The following CISH variants were observed in gnomAD, a reference collection of about 807,000 sequenced individuals.
CISH encodes the protein cytokine-inducible SH2-containing protein.
A neutral mutation model predicts 21.3 loss-of-function variants in CISH; 11 were observed. The observed-to-expected ratio is 0.52, with a 90% CI of 0.32 to 0.85. The LOEUF is 0.85. CISH is among the 40% of genes least tolerant of loss of function. CISH has a pLI of 0.03. For synonymous variants in CISH, 118 were observed against 142.3 expected (o/e 0.83, Z 1.22); for missense variants, 280 against 351.7 (o/e 0.80, Z 1.63).
rs532551963 is a variant in CISH, at chr3:50,611,595, G to C, written c.20+36C>G. The C allele has an allele frequency of 1.2e-5, 18 of 1,522,914 alleles. No homozygotes were observed. In the South Asian group the frequency reaches 1.2e-4, roughly 10 times the overall value. 94.3% of individuals were successfully genotyped at this position (1,522,914 alleles called of 1,614,324 possible). A position where few individuals can be genotyped will look rare whatever the true frequency, so the allele number is the denominator to read the frequency against. On this transcript the variant is annotated intron_variant, in intron 1 of 2. Transcript: ENST00000348721. The stretch of plus-strand genomic sequence containing the variant: ...GCCCCTGTTCTCCCGTGCGCCCCTC[G>C]TGGTGGCCGGGAAGGGGGCAGAGAG...
At position 50,607,585 on chromosome 3, in the gene CISH, G is replaced by C. The variant is rs532905241; in HGVS notation, c.*22C>G. ...CCCTCCAGGGTGCGACTGGGTGAGG[G>C]TGGGCAGATTGCCCCGTACAGTCAG... is the stretch of plus-strand genomic sequence containing the variant. On this transcript the variant is annotated 3_prime_UTR_variant, in exon 3 of 3. Coordinates refer to ENST00000348721, the MANE Select transcript of CISH (RefSeq NM_145071.4). The C allele has an allele frequency of 4.4e-6, 7 of 1,591,064 alleles. No individual in the cohort carries two copies. In the East Asian group the frequency reaches 1.1e-4, roughly 25 times the overall value.
chr3:50,608,032 G>T lies in CISH; in HGVS notation c.352C>A (p.Leu118Met). The change falls in exon 3 of 3, where the codon CTG (leucine) becomes ATG (methionine). Residue 118 changes from leucine to methionine, a missense_variant. Leu to Met is a conservative substitution (Grantham distance 15, BLOSUM62 2). Coordinates refer to ENST00000348721, the MANE Select transcript of CISH (RefSeq NM_145071.4). The part of the protein sequence containing the change: ...DSTHPSYLFT[L>M]SVKTTRGPTN... Reference sequence around the variant, plus strand: ...GGGCCACGAGTGGTTTTCACTGACAGCGTGAACAGGTAGCTGGGGTGCGTG... The same window carrying T: ...GGGCCACGAGTGGTTTTCACTGACATCGTGAACAGGTAGCTGGGGTGCGTG... The T allele has an allele frequency of 3.1e-6, 5 of 1,614,016 alleles. No homozygotes were observed. Among genetic ancestry groups the T allele is most frequent in the Non-Finnish European group, 4.2e-6 (5 of 1,180,012 alleles).
intron 1 of CISH, chr3:50,610,318 A>C: frequency 6.5e-7 from 1 of 1,540,968 alleles, no homozygotes; most frequent in African/African-American, 1.4e-5. Flanking sequence ...CTGATGTGGT[A>C]GCTGGGTGTA....
Position 50,607,318 on chromosome 3 carries a change from A to G in CISH, c.*289T>C. 1 of 427,746 alleles carries G rather than the reference A, an allele frequency of 2.3e-6. No individual in the cohort carries two copies. The allele number at this position is 427,746 out of a possible 1,614,324, so 26.5% of individuals were successfully genotyped here. ...GTGGCCAGGGCAGGCAAGCGAGTGG[A>G]GGTCTGGGCCCAGCCCACAGGTGAG... On this transcript the variant is annotated 3_prime_UTR_variant, in exon 3 of 3. Transcript: ENST00000348721.
At chr3:50,608,841 A>G (rs1474225653) in intron 1 of CISH, 1 of 419,852 alleles carries the variant, frequency 2.4e-6, no homozygotes, top group Non-Finnish European at 4.2e-6. Flanking sequence ...ACTGCCCTGC[A>G]TTTACTAAAC....
At chr3:50,611,347 A>C in intron 1 of CISH, 1 of 1,338,020 alleles carries the variant, frequency 7.5e-7, no homozygotes, top group Non-Finnish European at 9.5e-7. Context: ...TGCCGTTAGC[A>C]TCCATCTGCT....
rs748251754 is a variant in CISH at position 50,611,690 on chromosome 3, T to C, written c.-40A>G. 1 of 1,460,582 alleles carries C rather than the reference T, an allele frequency of 6.8e-7. No individual in the cohort carries two copies. Among genetic ancestry groups the C allele is most frequent in the South Asian group, 1.3e-5 (1 of 74,390 alleles). 90.5% of individuals were successfully genotyped at this position (1,460,582 alleles called of 1,614,324 possible). On this transcript the variant is annotated 5_prime_UTR_variant, in exon 1 of 3. Transcript: ENST00000348721. ...GGCGACTCCGGAGTGGGGACTCGGC[T>C]GGACGGCGGCGGCTGGAGGGAACCA... is the stretch of plus-strand genomic sequence containing the variant.
chr3:50,607,388 A>G lies in CISH; in HGVS notation c.*219T>C, dbSNP rs1171856800. 3.4e-6 allele frequency: 2 copies of G among 584,894 alleles called. No individual in the cohort carries two copies. Among genetic ancestry groups the G allele is most frequent in the African/African-American group, 1.9e-5 (1 of 53,598 alleles). 36.2% of individuals were successfully genotyped at this position (584,894 alleles called of 1,614,324 possible). The stretch of plus-strand genomic sequence containing the variant: ...CCCATCCTCTGACACATGGCTCAGT[A>G]TAATGAAGCCACATGCGGCCTGGGG... On this transcript the variant is annotated 3_prime_UTR_variant, in exon 3 of 3. Transcript: ENST00000348721.
chr3:50,608,639 C>T lies in CISH; in HGVS notation c.21-46G>A, dbSNP rs367660953. On this transcript the variant is annotated intron_variant, in intron 1 of 2. Transcript: ENST00000348721. ...AGTGAGTGGAGGACCCATGCTTCCC[C>T]CATCTCCAGAGACCCCCCTATGCCC... is the stretch of plus-strand genomic sequence containing the variant. 20 of 1,348,324 alleles carry T rather than the reference C, an allele frequency of 1.5e-5. No individual in the cohort carries two copies. In the African/African-American group the frequency reaches 2.8e-4, roughly 19 times the overall value. 83.5% of individuals were successfully genotyped at this position (1,348,324 alleles called of 1,614,324 possible). A position where few individuals can be genotyped will look rare whatever the true frequency, so the allele number is the denominator to read the frequency against.
rs1398674054 is a variant in CISH, at chr3:50,607,384, C to T, written c.*223G>A. 1.7e-6 allele frequency: 1 copy of T among 577,248 alleles called. No individual in the cohort carries two copies. Among genetic ancestry groups the T allele is most frequent in the Non-Finnish European group, 3.1e-6 (1 of 322,914 alleles). 35.8% of individuals were successfully genotyped at this position (577,248 alleles called of 1,614,324 possible). ...TCTCCCCATCCTCTGACACATGGCT[C>T]AGTATAATGAAGCCACATGCGGCCT... On this transcript the variant is annotated 3_prime_UTR_variant, in exon 3 of 3. Transcript: ENST00000348721.
At chr3:50,610,491 C>T (rs1409032460) in intron 1 of CISH, 1 of 1,551,028 alleles carries the variant, frequency 6.4e-7, no homozygotes, top group Admixed American at 2.0e-5. Context: ...TGTTCCCTGA[C>T]ACCCAACAGT....
intron 1 of CISH, chr3:50,610,403 T>C: frequency 6.4e-7 from 1 of 1,551,586 alleles, no homozygotes; most frequent in Non-Finnish European, 8.7e-7. Context: ...GGCTGTGTCA[T>C]CATCATGGTG....
Position 50,607,701 on chromosome 3 carries a change from C to T in CISH, c.683G>A (p.Arg228His). ...SSARSLQHLC[R>H]LVINRLVADV... is the part of the protein sequence containing the mutation. ...GGCCACCAGACGGTTGATGACAAGG[C>T]GGCACAGGTGTTGCAGGCTGCGGGC... Residue 228 changes from arginine to histidine, a missense_variant, in exon 3 of 3, where the codon CGC (arginine) becomes CAC (histidine). Physicochemically the swap from Arg to His is conservative, Grantham distance 29 (BLOSUM62 0). Transcript: ENST00000348721. 6 of 1,613,800 alleles carry T rather than the reference C, an allele frequency of 3.7e-6. No homozygotes were observed. Among genetic ancestry groups the T allele is most frequent in the South Asian group, 1.1e-5 (1 of 91,080 alleles).
chr3:50,608,779 AGC>A, intron 1 of CISH, 186 bp from the exon 2 acceptor site: 1 of 434,078 alleles, frequency 2.3e-6, no homozygotes, highest in East Asian at 3.5e-5. Context: ...TCATCACAAA[AGC>A]CACCTTGATT....
Position 50,608,443 on chromosome 3 carries a change from C to A in CISH, c.171G>T (p.Glu57Asp). The A allele has an allele frequency of 6.2e-7, 1 of 1,613,816 alleles. No individual in the cohort carries two copies. Among genetic ancestry groups the A allele is most frequent in the Non-Finnish European group, 8.5e-7 (1 of 1,179,870 alleles). ...CCTCCTCTGGGTCCAGCACCTTTGG[C>A]TCACTCTCTGTCTGGGCTGGGGTAC... The part of the protein sequence containing the change: ...AEGTPAQTES[E>D]PKVLDPEEDL... Residue 57 changes from glutamate to aspartate, a missense_variant, in exon 2 of 3, where the codon GAG (glutamate) becomes GAT (aspartate). Glu to Asp is a conservative substitution (Grantham distance 45). Transcript: ENST00000348721.
chr3:50,608,020 T>C lies in CISH; in HGVS notation c.364A>G (p.Thr122Ala). 6.2e-7 allele frequency: 1 copy of C among 1,613,768 alleles called. No homozygotes were observed. The highest frequency in any genetic ancestry group is 8.5e-7 in the Non-Finnish European group (1 of 1,179,958). Residue 122 changes from threonine to alanine, a missense_variant, in exon 3 of 3, where the codon ACC (threonine) becomes GCC (alanine). Coordinates refer to ENST00000348721, the MANE Select transcript of CISH (RefSeq NM_145071.4). Reference sequence around the variant, plus strand: ...CGTACATTGGTGGGGCCACGAGTGGTTTTCACTGACAGCGTGAACAGGTAG... The same window carrying C: ...CGTACATTGGTGGGGCCACGAGTGGCTTTCACTGACAGCGTGAACAGGTAG... ...PSYLFTLSVK[T>A]TRGPTNVRIE...
intron 1 of CISH, chr3:50,610,683 A>G: frequency 7.2e-7 from 1 of 1,385,094 alleles, no homozygotes. Context: ...TAGTCTTCCC[A>G]GCACCTCCAT....
intron 1 of CISH, chr3:50,610,979 G>A: frequency 1.0e-6 from 1 of 991,938 alleles, no homozygotes; most frequent in Non-Finnish European, 1.2e-6. Context: ...CCTCAAGTCT[G>A]GGAAATTTGA....
In CISH at chr3:50,607,433, G is replaced by T; in HGVS notation, c.*174C>A. 1 of 659,606 alleles carries T rather than the reference G, an allele frequency of 1.5e-6. No individual in the cohort carries two copies. Among genetic ancestry groups the T allele is most frequent in the Non-Finnish European group, 2.6e-6 (1 of 384,950 alleles). 40.9% of individuals were successfully genotyped at this position (659,606 alleles called of 1,614,324 possible). A position where few individuals can be genotyped will look rare whatever the true frequency, so the allele number is the denominator to read the frequency against. On this transcript the variant is annotated 3_prime_UTR_variant, in exon 3 of 3. Transcript: ENST00000348721. Reference sequence around the variant, plus strand: ...CTGGGGGCATTTACCTCCAAGTTGTGTGACACCTCCCCTCTCCCATGCCTT... The same window carrying T: ...CTGGGGGCATTTACCTCCAAGTTGTTTGACACCTCCCCTCTCCCATGCCTT...
Sources: gnomAD v4.1 joint callset for allele counts on GRCh38, gnomAD v4.1.1 for gene constraint, MANE v1.5 for transcripts, NCBI Gene and HGNC (gene_info 2026-07-23, HGNC 2026-07-21) for gene names.